The following SPAG7 variants were observed in gnomAD, a reference collection of about 807,000 sequenced individuals.
The protein encoded by SPAG7 is sperm associated antigen 7.
SPAG7 carries 20 observed loss-of-function variants against 30.6 expected under a neutral mutation model. That is an observed-to-expected ratio of 0.65 (90% CI 0.46 to 0.95). SPAG7 has a LOEUF of 0.95. Ranked by LOEUF, SPAG7 falls within the 40% of genes least tolerant of loss-of-function variation. The pLI is 0.00. For missense variants in SPAG7, 276 were observed against 291.1 expected (o/e 0.95, Z 0.38); for synonymous variants, 127 against 104.2 (o/e 1.22, Z -1.33).
chr17:4,959,591 C>A lies in SPAG7; in HGVS notation c.627G>T (p.Glu209Asp), dbSNP rs1482192767. Residue 209 changes from glutamate (E) to aspartate (D), a missense_variant, in exon 7 of 7, where the codon GAG (glutamate) becomes GAT (aspartate). Glu to Asp is a conservative substitution (Grantham distance 45). Transcript: ENST00000206020. Reference protein sequence around the residue: ...DTRSIEEAMNEIRAKKRLRQS... With the variant: ...DTRSIEEAMNDIRAKKRLRQS... ...GCCGCAGACGCTTCTTGGCTCTGAT[C>A]TCATTCATAGCCTCTTCAATGGAGC... 1.2e-6 allele frequency: 2 copies of A among 1,614,160 alleles called. No individual in the cohort carries two copies. The highest frequency in any genetic ancestry group is 1.7e-6 in the Non-Finnish European group (2 of 1,180,034).
rs189283856 is a variant in SPAG7, at chr17:4,964,348, C to G, written c.85+3372G>C. 1.2e-3 allele frequency among the ~76,000 whole-genome samples: 183 copies of G among 149,448 alleles called. 4 individuals carry two copies. The East Asian group carries it at 0.028, about 23-fold the overall frequency. ...TTTTTTCTCTTTTGCCATTTCAAAT[C>G]CTTTACATCTTTTTTTTTTTTTTTT... On this transcript the variant is annotated intron_variant, in intron 1 of 6. Coordinates refer to ENST00000206020, the MANE Select transcript of SPAG7 (RefSeq NM_004890.3).
chr17:4,959,863 C>T lies in SPAG7; in HGVS notation c.471G>A (p.Val157=), dbSNP rs1691563083. ...EEAAQQGPVV[V]SPASDYKDKY... is the part of the protein sequence containing the mutation. ...TGTCCTTGTAGTCGCTGGCAGGGCT[C>T]ACCACCACAGGCCCCTGCTGGGCTG... The change falls in exon 6 of 7, where the codon GTG becomes GTA. Residue 157 remains valine (V), a synonymous_variant. Coordinates refer to ENST00000206020, the MANE Select transcript of SPAG7 (RefSeq NM_004890.3). 1 of 1,613,966 alleles carries T rather than the reference C, an allele frequency of 6.2e-7. No homozygotes were observed. The highest frequency in any genetic ancestry group is 2.2e-5 in the East Asian group (1 of 44,882).
intron 1 of SPAG7, among the ~76,000 whole-genome samples, chr17:4,961,675 G>A (rs28374210): frequency 1.4e-5 from 2 of 146,862 alleles, no homozygotes; most frequent in Non-Finnish European, 3.0e-5. Flanking sequence ...TGAGGCAGGA[G>A]AATGGCGTGA....
At chr17:4,964,128 G>T (rs1421785871) in intron 1 of SPAG7, among the ~76,000 whole-genome samples, 1 of 151,956 alleles carries the variant, frequency 6.6e-6, no homozygotes, top group Non-Finnish European at 1.5e-5. Context: ...CCCTCGCCTG[G>T]CTAAGGGTCT....
At chr17:4,960,176 G>A (rs759651174) in intron 4 of SPAG7, 58 bp downstream of exon 4, 4 of 1,601,754 alleles carry the variant, frequency 2.5e-6, no homozygotes, top group Non-Finnish European at 3.4e-6. Context: ...CCTTGGTCGG[G>A]GAGGGGGGAT....
chr17:4,962,100 A>G (rs1397576967), intron 1 of SPAG7, among the ~76,000 whole-genome samples: 1 of 152,128 alleles, frequency 6.6e-6, no homozygotes, highest in African/African-American at 2.4e-5. Context: ...GGGGAAACCA[A>G]TTAACAAATA....
intron 1 of SPAG7, among the ~76,000 whole-genome samples, chr17:4,967,392 C>A (rs1036158638): frequency 1.3e-5 from 2 of 152,066 alleles, no homozygotes; most frequent in Non-Finnish European, 2.9e-5. Flanking sequence ...TAGAGGTGAG[C>A]GGGGCAGGAA....
chr17:4,967,688 A>G, intron 1 of SPAG7, 32 bp downstream of exon 1: 1 of 1,553,240 alleles, frequency 6.4e-7, no homozygotes, highest in East Asian at 2.2e-5. Context: ...GAACCGGGCG[A>G]AGGAAGGCGG....
chr17:4,960,535 C>T lies in SPAG7; in HGVS notation c.166G>A (p.Val56Met). 1 of 1,604,328 alleles carries T rather than the reference C, an allele frequency of 6.2e-7. No individual in the cohort carries two copies. The highest frequency in any genetic ancestry group is 8.5e-7 in the Non-Finnish European group (1 of 1,176,856). The change falls in exon 3 of 7, where the codon GTG becomes ATG. Residue 56 changes from valine (V) to methionine (M), a missense_variant. Coordinates refer to ENST00000206020, the MANE Select transcript of SPAG7 (RefSeq NM_004890.3). ...VEFRKRMEKE[V>M]SDFIQDSGQI... Reference sequence around the variant, plus strand: ...CCACTGTCTTGAATGAAATCTGACACCTCCTTCTCCATCTTGGGAGAGGGG... The same window carrying T: ...CCACTGTCTTGAATGAAATCTGACATCTCCTTCTCCATCTTGGGAGAGGGG...
At position 4,959,369 on chromosome 17, in the gene SPAG7, A is replaced by T. The variant is rs1971818770; in HGVS notation, c.*165T>A. ...CACACACATGCCACGCACATATCCA[A>T]GCTCCAACGGTGACAAATCAAACAC... On this transcript the variant is annotated 3_prime_UTR_variant, in exon 7 of 7. Transcript: ENST00000206020. 2 of 619,464 alleles carry T rather than the reference A, an allele frequency of 3.2e-6. No homozygotes were observed. 38.4% of individuals were successfully genotyped at this position (619,464 alleles called of 1,614,324 possible). A position where few individuals can be genotyped will look rare whatever the true frequency, so the allele number is the denominator to read the frequency against.
At chr17:4,967,417 G>A (rs1450942505) in intron 1 of SPAG7, among the ~76,000 whole-genome samples, 1 of 152,196 alleles carries the variant, frequency 6.6e-6, no homozygotes, top group African/African-American at 2.4e-5. Context: ...GCAGGTTGGA[G>A]GCACCCTACC....
In SPAG7 at chr17:4,967,756, T is replaced by G; in HGVS notation, c.49A>C (p.Ser17Arg). The G allele has an allele frequency of 1.9e-6, 3 of 1,614,128 alleles. No homozygotes were observed. The highest frequency in any genetic ancestry group is 2.5e-6 in the Non-Finnish European group (3 of 1,179,994). The change falls in exon 1 of 7, where the codon AGC becomes CGC. Residue 17 changes from serine (S) to arginine (R), a missense_variant. Ser to Arg is a moderately radical substitution (Grantham distance 110, BLOSUM62 -1). Coordinates refer to ENST00000206020, the MANE Select transcript of SPAG7 (RefSeq NM_004890.3). The part of the protein sequence containing the change: ...SILSSMEKPP[S>R]LGDQETRRKA... Reference sequence around the variant, plus strand: ...CGCCGAGTCTCCTGGTCACCGAGGCTGGGTGGCTTCTCCATGGAGCTCAGG... The same window carrying G: ...CGCCGAGTCTCCTGGTCACCGAGGCGGGGTGGCTTCTCCATGGAGCTCAGG...
chr17:4,960,347 C>T (rs2151147114), intron 3 of SPAG7, 29 bp from the exon 4 acceptor site: 4 of 1,611,994 alleles, frequency 2.5e-6, no homozygotes, highest in Non-Finnish European at 3.4e-6. Flanking sequence ...GGGGAAAGAG[C>T]ATCTTGAGCC....
Position 4,959,747 on chromosome 17 carries a change from ACT to A in SPAG7, c.574+11_574+12del. The A allele has an allele frequency of 6.2e-7, 1 of 1,613,998 alleles. No homozygotes were observed. The highest frequency in any genetic ancestry group is 8.5e-7 in the Non-Finnish European group (1 of 1,179,990). ...TCCTCTCCCAGCCACCCCCAGCCGC[ACT>A]GTGGCCTCACCACAGCCGTAGGTCT... On this transcript the variant is annotated intron_variant, in intron 6 of 6. Transcript: ENST00000206020.
intron 1 of SPAG7, among the ~76,000 whole-genome samples, chr17:4,965,508 T>A (rs990385764): frequency 6.6e-6 from 1 of 151,938 alleles, no homozygotes; most frequent in East Asian, 1.9e-4. Context: ...AACTAACGTA[T>A]CATAACTTCT....
chr17:4,965,404 C>A (rs1191728255), intron 1 of SPAG7, among the ~76,000 whole-genome samples: 2 of 152,082 alleles, frequency 1.3e-5, no homozygotes, highest in Non-Finnish European at 2.9e-5. Context: ...TGCTTTTCCT[C>A]CTCTTGCAAA....
chr17:4,966,253 A>G, intron 1 of SPAG7: 1 of 152,336 alleles, frequency 6.6e-6, no homozygotes, highest in Non-Finnish European at 1.5e-5. Context: ...GGTGGTATTA[A>G]AGGTGTGAGC....
rs1971819988 is a variant in SPAG7 at position 4,959,441 on chromosome 17, G to A, written c.*93C>T. Reference sequence around the variant, plus strand: ...GACAGCTGGTAGGAGGTGGTTCAGAGGTGGGGCTCCAGGATGGGCTCTAAT... The same window carrying A: ...GACAGCTGGTAGGAGGTGGTTCAGAAGTGGGGCTCCAGGATGGGCTCTAAT... On this transcript the variant is annotated 3_prime_UTR_variant, in exon 7 of 7. Coordinates refer to ENST00000206020, the MANE Select transcript of SPAG7 (RefSeq NM_004890.3). The A allele has an allele frequency of 5.1e-6, 5 of 975,246 alleles. No homozygotes were observed. In the Admixed American group the frequency reaches 7.5e-5, roughly 15 times the overall value. The allele number at this position is 975,246 out of a possible 1,614,324, so 60.4% of individuals were successfully genotyped here. A position where few individuals can be genotyped will look rare whatever the true frequency, so the allele number is the denominator to read the frequency against.
At chr17:4,961,838 A>G (rs1971869360) in intron 1 of SPAG7, among the ~76,000 whole-genome samples, 1 of 152,122 alleles carries the variant, frequency 6.6e-6, no homozygotes, top group Non-Finnish European at 1.5e-5. Flanking sequence ...GTACTGAAAT[A>G]AAAGTTTGTG....
Sources: allele counts gnomAD v4.1 joint callset (sites outside exome capture counted in the v4.1 genomes callset), GRCh38; gene constraint gnomAD v4.1.1; transcripts MANE v1.5; gene names NCBI Gene and HGNC (gene_info 2026-07-23, HGNC 2026-07-21).